Variants in TRPV3 observed in about 807,000 individuals in gnomAD.
TRPV3 encodes transient receptor potential cation channel subfamily V member 3.
TRPV3 carries 88 observed loss-of-function variants against 87.1 expected under a neutral mutation model. The ratio of observed to expected loss-of-function variants is 1.01; its 90% CI spans 0.85 to 1.21. TRPV3 has a LOEUF of 1.21. TRPV3 is among the 50% of genes most tolerant of loss of function. The probability of loss-of-function intolerance (pLI) is 0.00; values close to 1 mark genes in which losing one functional copy is unlikely to be tolerated. For missense variants in TRPV3, 1,054 were observed against 1,030.1 expected (o/e 1.02, Z -0.32); for synonymous variants, 438 against 423.3 (o/e 1.03, Z -0.43).
chr17:3,524,475 G>T, intron 12 of TRPV3, 112 bp from the exon 13 acceptor site: 1 of 1,344,652 alleles, frequency 7.4e-7, no homozygotes, highest in Admixed American at 2.3e-5. Context: ...CCCCGGTGAC[G>T]GATGCTGAAG....
At chr17:3,548,805 T>C (rs576762787) in intron 2 of TRPV3, among the ~76,000 whole-genome samples, 1 of 152,346 alleles carries the variant, frequency 6.6e-6, no homozygotes, top group South Asian at 2.1e-4. Context: ...CAGCTGTGTC[T>C]CTGCCTCCTG....
chr17:3,535,313 TTTCTCCCTCCTCCCTTCC>T (rs2074396999), intron 7 of TRPV3, among the ~76,000 whole-genome samples: 1 of 68,750 alleles, frequency 1.5e-5, no homozygotes, highest in African/African-American at 4.5e-5. Context: ...TCCCTCTTCC[TTTCTCCCTCCTCCCTTCC>T]TTCCTCTCCC....
intron 1 of TRPV3, among the ~76,000 whole-genome samples, chr17:3,555,539 AG>A (rs1395558269): frequency 6.6e-6 from 1 of 152,130 alleles, no homozygotes; most frequent in Admixed American, 6.5e-5. Flanking sequence ...TCTCACCTGC[AG>A]GGAGCAGCTG....
intron 11 of TRPV3, 52 bp downstream of exon 11, chr17:3,527,973 G>A: frequency 7.0e-7 from 1 of 1,425,832 alleles, no homozygotes; most frequent in Non-Finnish European, 9.9e-7. Flanking sequence ...GATGGAGGCT[G>A]TCACCTGCCT....
chr17:3,529,923 G>A (rs1198868656), intron 9 of TRPV3, 104 bp downstream of exon 9: 1 of 1,345,794 alleles, frequency 7.4e-7, no homozygotes, highest in African/African-American at 1.5e-5. Flanking sequence ...CAGATGCCGA[G>A]GGATGGAGCT....
intron 6 of TRPV3, among the ~76,000 whole-genome samples, chr17:3,539,977 A>G (rs2074443767): frequency 6.6e-6 from 1 of 151,600 alleles, no homozygotes. Context: ...TGGGATGCTG[A>G]GGCAGGAGAA....
At chr17:3,537,626 G>A (rs562174703) in intron 6 of TRPV3, among the ~76,000 whole-genome samples, 12 of 152,214 alleles carry the variant, frequency 7.9e-5, no homozygotes, top group East Asian at 3.9e-4. Flanking sequence ...TTTTAGGGCC[G>A]GGCGCGGTAG....
rs1380056528 is a variant in TRPV3, at chr17:3,557,297, C to T, written c.-3+379G>A. ...CTGTCTCCCACGGTGGGGCCACCTC[C>T]TCCCATCCTGAACTCCCATCACAAT... On this transcript the variant is annotated intron_variant, in intron 1 of 17. Transcript: ENST00000576742. This position sits in a 1 kb window ranked among gnomAD's most constrained non-coding sequence, Gnocchi z 4.5. Among the ~76,000 whole-genome samples, 1 of 152,176 alleles carries T rather than the reference C, an allele frequency of 6.6e-6. No homozygotes were observed. Among genetic ancestry groups the T allele is most frequent in the Non-Finnish European group, 1.5e-5 (1 of 68,014 alleles).
In TRPV3 at chr17:3,514,026, A is replaced by C. The variant is rs72809877; in HGVS notation, c.2279-15T>G. The C allele has an allele frequency of 2.3e-5, 37 of 1,590,026 alleles. No homozygotes were observed. Among genetic ancestry groups the C allele is most frequent in the Non-Finnish European group, 3.2e-5 (37 of 1,162,620 alleles). ...TTTGTTGAAATCTGCTTTTTAAAAA[A>C]ATATATATTTTAGAAATATATCACT... On this transcript the variant is annotated splice_polypyrimidine_tract_variant and intron_variant, in intron 17 of 17. Coordinates refer to ENST00000576742, the MANE Select transcript of TRPV3 (RefSeq NM_145068.4).
intron 12 of TRPV3, among the ~76,000 whole-genome samples, chr17:3,525,383 T>C (rs2074290451): frequency 6.6e-6 from 1 of 152,126 alleles, no homozygotes; most frequent in African/African-American, 2.4e-5. Flanking sequence ...ACTATATGAC[T>C]GTACCTAAAA....
At chr17:3,550,076 G>A (rs1309132958) in intron 2 of TRPV3, among the ~76,000 whole-genome samples, 1 of 152,080 alleles carries the variant, frequency 6.6e-6, no homozygotes, top group African/African-American at 2.4e-5. Flanking sequence ...ATGGATGGAT[G>A]GATAATAAGT....
Position 3,547,277 on chromosome 17 carries a change from C to T in TRPV3, c.120-2006G>A, listed in dbSNP as rs181005019. Among the ~76,000 whole-genome samples the T allele has an allele frequency of 3.6e-3, 545 of 152,314 alleles. 12 individuals carry two copies. The highest frequency in any genetic ancestry group is 0.032 in the Admixed American group (484 of 15,288). ...GGAGATGGCTGGAGTTATACTTGCCCCCGCTGATCAGCACTTGTGCTGTTT... is the reference window on the plus strand; with the variant it reads ...GGAGATGGCTGGAGTTATACTTGCCTCCGCTGATCAGCACTTGTGCTGTTT... On this transcript the variant is annotated intron_variant, in intron 2 of 17. Coordinates refer to ENST00000576742, the MANE Select transcript of TRPV3 (RefSeq NM_145068.4).
In TRPV3 at chr17:3,543,461, C is replaced by T. The variant is rs1372255922; in HGVS notation, c.466+13G>A. 6.2e-7 allele frequency: 1 copy of T among 1,612,146 alleles called. No individual in the cohort carries two copies. The highest frequency in any genetic ancestry group is 8.5e-7 in the Non-Finnish European group (1 of 1,179,924). On this transcript the variant is annotated intron_variant, in intron 5 of 17. Coordinates refer to ENST00000576742, the MANE Select transcript of TRPV3 (RefSeq NM_145068.4). The stretch of plus-strand genomic sequence containing the variant: ...CCCCAGCCCTGCACCCTCTGCCAGG[C>T]TCAGACACTCACCAGGCACATCCTC...
intron 3 of TRPV3, 113 bp from the exon 4 acceptor site, chr17:3,544,778 C>A (rs1165631143): frequency 1.4e-6 from 1 of 734,568 alleles, no homozygotes; most frequent in Non-Finnish European, 2.3e-6. Flanking sequence ...AGGTGGATCA[C>A]TTGAGGTCAG....
chr17:3,542,700 T>A lies in TRPV3; in HGVS notation c.467-2A>T, dbSNP rs776732608. The A allele has an allele frequency of 6.2e-7, 1 of 1,613,170 alleles. No homozygotes were observed. The highest frequency in any genetic ancestry group is 8.5e-7 in the Non-Finnish European group (1 of 1,179,490). ...CCGTCAGCTTGTGCATGAGGAAGTC[T>A]GCAGGCAGGGCCATGGGTGGAGTTA... On this transcript the variant is annotated splice_acceptor_variant, in intron 5 of 17. Transcript: ENST00000576742. LOFTEE classifies it high-confidence loss of function.
intron 13 of TRPV3, among the ~76,000 whole-genome samples, chr17:3,522,685 T>C (rs1389089249): frequency 4.6e-5 from 7 of 151,362 alleles, no homozygotes; most frequent in East Asian, 3.9e-4. Flanking sequence ...CTGGGCATGG[T>C]GCATGCCTGT....
rs559099316 is a variant in TRPV3 at position 3,556,798 on chromosome 17, C to T, written c.-3+878G>A. 2.0e-5 allele frequency among the ~76,000 whole-genome samples: 3 copies of T among 152,228 alleles called. No homozygotes were observed. Among genetic ancestry groups the T allele is most frequent in the East Asian group, 1.9e-4 (1 of 5,170 alleles). ...CACCCGGCCCTCCCGTGTCCAGTCA[C>T]GGCCTGATGAGGATGGGCAGCCTCT... On this transcript the variant is annotated intron_variant, in intron 1 of 17. Transcript: ENST00000576742. This position sits in a 1 kb window ranked among gnomAD's most constrained non-coding sequence, Gnocchi z 4.2.
At chr17:3,545,106 C>T in intron 3 of TRPV3, 61 bp downstream of exon 3, 1 of 1,247,376 alleles carries the variant, frequency 8.0e-7, no homozygotes, top group Non-Finnish European at 1.2e-6. Flanking sequence ...AAGTCACTGG[C>T]CACATGCTGG....
Position 3,528,306 on chromosome 17 carries a change from C to T in TRPV3, c.1402-180G>A, listed in dbSNP as rs145117901. Among the ~76,000 whole-genome samples the T allele has an allele frequency of 2.9e-3, 435 of 152,286 alleles. 1 individual carries two copies. The East Asian group carries it at 0.035, about 12-fold the overall frequency. ...GCTCCCTGACCCCAACTCTCCTCAC[C>T]CTTGATGGAAACCCAGAACTCTACA... On this transcript the variant is annotated intron_variant, in intron 10 of 17. Transcript: ENST00000576742. This position sits in a 1 kb window ranked among gnomAD's most constrained non-coding sequence, Gnocchi z 4.2.
Sources: allele counts gnomAD v4.1 joint callset (sites outside exome capture counted in the v4.1 genomes callset), GRCh38; gene constraint gnomAD v4.1.1; non-coding constraint Gnocchi (gnomAD v3.1); transcripts MANE v1.5; gene names NCBI Gene and HGNC (gene_info 2026-07-23, HGNC 2026-07-21).